The following ATP2B4 variants were observed in gnomAD, a reference collection of about 807,000 sequenced individuals.
The protein encoded by ATP2B4 is ATPase plasma membrane Ca2+ transporting 4, also known as plasma membrane calcium-transporting ATPase 4.
A neutral mutation model predicts 110.3 loss-of-function variants in ATP2B4; 39 were observed. That is an observed-to-expected ratio of 0.35 (90% CI 0.27 to 0.46). The LOEUF is 0.46. ATP2B4 is among the 20% of genes least tolerant of loss of function. The pLI, the probability that ATP2B4 is intolerant of heterozygous loss-of-function variation, is 1.00. For synonymous variants in ATP2B4, 538 were observed against 571.7 expected, an observed-to-expected ratio of 0.94 and a Z score of 0.84; for missense variants, 1,135 against 1,530.9, an observed-to-expected ratio of 0.74 and a Z score of 4.32.
intron 1 of ATP2B4, among the ~76,000 whole-genome samples, chr1:203,656,066 ATTT>A (rs56042023): frequency 0.65 from 95,032 of 147,090 alleles, 32,998 homozygotes; most frequent in Non-Finnish European, 0.79. Flanking sequence ...ACGCCCAGCT[ATTT>A]TTTTTTTTTT....
intron 9 of ATP2B4, among the ~76,000 whole-genome samples, chr1:203,707,511 A>T (rs537172736): frequency 2.0e-3 from 297 of 151,762 alleles, no homozygotes; most frequent in African/African-American, 6.7e-3. Context: ...CAATGATGCA[A>T]CCTCCGCCTC....
intron 9 of ATP2B4, 90 bp from the exon 10 acceptor site, chr1:203,707,772 G>A (rs182552232): frequency 3.9e-6 from 6 of 1,524,018 alleles, no homozygotes; most frequent in Non-Finnish European, 5.4e-6. Context: ...ATGAAATGTG[G>A]AGAGATGTTG....
At chr1:203,701,168 T>C (rs1320080040) in intron 6 of ATP2B4, among the ~76,000 whole-genome samples, 1 of 151,814 alleles carries the variant, frequency 6.6e-6, no homozygotes, top group African/African-American at 2.4e-5. Flanking sequence ...TTATGTCTAA[T>C]GGTAGCTTGT....
intron 1 of ATP2B4, among the ~76,000 whole-genome samples, chr1:203,647,573 C>G (rs926753862): frequency 6.6e-6 from 1 of 151,940 alleles, no homozygotes; most frequent in Non-Finnish European, 1.5e-5. Context: ...AGCCTGGGCA[C>G]CATAGTCAGA....
At chr1:203,698,083 T>C (rs1031156769) in intron 2 of ATP2B4, 74 bp from the exon 3 acceptor site, 5 of 1,323,260 alleles carry the variant, frequency 3.8e-6, no homozygotes, top group Non-Finnish European at 5.4e-6. Flanking sequence ...CATGGCTCAC[T>C]GCCACTTCAA....
intron 1 of ATP2B4, among the ~76,000 whole-genome samples, chr1:203,654,801 C>T (rs1664106501): frequency 6.7e-6 from 1 of 149,880 alleles, no homozygotes; most frequent in Non-Finnish European, 1.5e-5. Context: ...GTGAGAGGAT[C>T]GTTTGGGCCT....
chr1:203,707,540 C>T (rs556663239), intron 9 of ATP2B4, among the ~76,000 whole-genome samples: 34 of 152,022 alleles, frequency 2.2e-4, no homozygotes, highest in East Asian at 1.5e-3. Context: ...AAGTGATTCT[C>T]GTGCCTCAGC....
rs1427548167 is a variant in ATP2B4, at chr1:203,629,201, T to C, written c.-465+1982T>C. On this transcript the variant is annotated intron_variant, in intron 1 of 20. Coordinates refer to ENST00000357681, the MANE Select transcript of ATP2B4 (RefSeq NM_001684.5). This position sits in a 1 kb window ranked among gnomAD's most constrained non-coding sequence, Gnocchi z 4.6. The stretch of plus-strand genomic sequence containing the variant: ...CAGCTCTTCCCTACCTGTGTTCTGC[T>C]CGAGAAGGGAATGAGGCCTTCCCCA... Among the ~76,000 whole-genome samples the C allele has an allele frequency of 6.6e-6, 1 of 152,136 alleles. No homozygotes were observed. Among genetic ancestry groups the C allele is most frequent in the Non-Finnish European group, 1.5e-5 (1 of 68,012 alleles).
chr1:203,632,764 TG>T (rs1663311580), intron 1 of ATP2B4, among the ~76,000 whole-genome samples: 2 of 151,752 alleles, frequency 1.3e-5, no homozygotes, highest in Non-Finnish European at 2.9e-5. Context: ...TTATTGGTTG[TG>T]GTATTTGTGT....
At chr1:203,679,022 T>C (rs2102355588) in intron 1 of ATP2B4, among the ~76,000 whole-genome samples, 1 of 152,198 alleles carries the variant, frequency 6.6e-6, no homozygotes, top group South Asian at 2.1e-4. Flanking sequence ...TTTCTTGCCC[T>C]AGGAGGAAGA....
chr1:203,708,862 AAAAG>A (rs1223134679), intron 10 of ATP2B4, among the ~76,000 whole-genome samples: 21 of 152,004 alleles, frequency 1.4e-4, no homozygotes, highest in Admixed American at 6.6e-4. Flanking sequence ...GTCAAAAAGA[AAAAG>A]AAAAAAGATG....
intron 1 of ATP2B4, among the ~76,000 whole-genome samples, chr1:203,630,721 A>G (rs1266476108): frequency 2.0e-5 from 3 of 152,196 alleles, no homozygotes; most frequent in Non-Finnish European, 2.9e-5. Context: ...CCTGCTTCTC[A>G]GATAAGCATT....
chr1:203,728,322 A>G lies in ATP2B4; in HGVS notation c.3309+751A>G, dbSNP rs981441028. 4.0e-5 allele frequency: 15 copies of G among 373,714 alleles called. 1 individual carries two copies. Among genetic ancestry groups the G allele is most frequent in the Admixed American group, 7.6e-5 (2 of 26,282 alleles). The allele number at this position is 373,714 out of a possible 1,614,324, so 23.1% of individuals were successfully genotyped here. On this transcript the variant is annotated intron_variant, in intron 20 of 20. Transcript: ENST00000357681. ...TATTTTTTCCACTTTCCATGCATCA[A>G]TTGTAACTACTTTCTCCTGGGTGAA...
At chr1:203,662,750 T>C (rs1467010137) in intron 1 of ATP2B4, among the ~76,000 whole-genome samples, 1 of 152,222 alleles carries the variant, frequency 6.6e-6, no homozygotes, top group Non-Finnish European at 1.5e-5. Context: ...TTTGGGTATA[T>C]CATAATTTGC....
intron 15 of ATP2B4, 142 bp downstream of exon 15, chr1:203,714,419 C>T (rs941813820): frequency 2.3e-5 from 17 of 753,938 alleles, no homozygotes; most frequent in African/African-American, 6.9e-5. Flanking sequence ...TCCTATCTAC[C>T]GGGCCAATCA....
In ATP2B4 at chr1:203,729,703, G is replaced by A. The variant is rs758403736; in HGVS notation, c.3309+2132G>A. 18 of 1,340,418 alleles carry A rather than the reference G, an allele frequency of 1.3e-5. No homozygotes were observed. The East Asian group carries it at 7.8e-4, about 58-fold the overall frequency. The allele number at this position is 1,340,418 out of a possible 1,614,324, so 83.0% of individuals were successfully genotyped here. A position where few individuals can be genotyped will look rare whatever the true frequency, so the allele number is the denominator to read the frequency against. On this transcript the variant is annotated intron_variant, in intron 20 of 20. Transcript: ENST00000357681. Reference sequence around the variant, plus strand: ...GGCGATGCAGCTCCCTGGGGACACAGGTGCTTCCTGGGGAGCCCTGAGCAC... The same window carrying A: ...GGCGATGCAGCTCCCTGGGGACACAAGTGCTTCCTGGGGAGCCCTGAGCAC...
intron 20 of ATP2B4, among the ~76,000 whole-genome samples, chr1:203,728,670 C>A (rs920253237): frequency 6.6e-6 from 1 of 151,480 alleles, no homozygotes; most frequent in Non-Finnish European, 1.5e-5. Context: ...CCAGCCTGAC[C>A]AACATGGAGA....
At chr1:203,644,930 G>A (rs1162329823) in intron 1 of ATP2B4, among the ~76,000 whole-genome samples, 1 of 152,178 alleles carries the variant, frequency 6.6e-6, no homozygotes. Context: ...CTATGCCAAG[G>A]TGGAGAGGAG....
At chr1:203,685,923 T>G (rs1048977422) in intron 2 of ATP2B4, among the ~76,000 whole-genome samples, 1 of 151,894 alleles carries the variant, frequency 6.6e-6, no homozygotes. Context: ...GCCTATGGAG[T>G]GCAATGTTTT....
Sources: gnomAD v4.1 joint callset for allele counts (sites outside exome capture counted in the v4.1 genomes callset) on GRCh38, gnomAD v4.1.1 for gene constraint, Gnocchi (gnomAD v3.1) non-coding constraint, MANE v1.5 for transcripts, NCBI Gene and HGNC (gene_info 2026-07-23, HGNC 2026-07-21) for gene names.